Variants in MYB observed in about 807,000 individuals in gnomAD.
The protein encoded by MYB is MYB proto-oncogene, transcription factor.
A neutral mutation model predicts 92.9 loss-of-function variants in MYB; 28 were observed. That is an observed-to-expected ratio of 0.30 (90% CI 0.22 to 0.41). MYB has a LOEUF of 0.41. MYB is among the 10% of genes least tolerant of loss of function. The pLI is 1.00. For synonymous variants in MYB, 295 were observed against 329.1 expected, an observed-to-expected ratio of 0.90 and a Z score of 1.12; for missense variants, 679 against 929.3, an observed-to-expected ratio of 0.73 and a Z score of 3.50.
At chr6:135,211,633 GGCTA>G (rs1779714542) in intron 15 of MYB, among the ~76,000 whole-genome samples, 3 of 152,126 alleles carry the variant, frequency 2.0e-5, no homozygotes, top group African/African-American at 7.2e-5. Flanking sequence ...TGCCACCCTA[GGCTA>G]TATGATATAA....
At chr6:135,186,430 T>C (rs1434390053) in intron 2 of MYB, among the ~76,000 whole-genome samples, 1 of 152,254 alleles carries the variant, frequency 6.6e-6, no homozygotes, top group Non-Finnish European at 1.5e-5. Flanking sequence ...CTGGGACATA[T>C]ATACCTCCTC....
intron 9 of MYB, 73 bp from the exon 10 acceptor site, chr6:135,196,888 T>C (rs1777396876): frequency 1.3e-6 from 2 of 1,584,588 alleles, no homozygotes; most frequent in African/African-American, 2.7e-5. Flanking sequence ...GTTGAGCATC[T>C]CTCTCTCAGT....
intron 8 of MYB, 146 bp from the exon 9 acceptor site, chr6:135,195,602 C>A: frequency 1.2e-6 from 1 of 834,444 alleles, no homozygotes; most frequent in Non-Finnish European, 1.9e-6. Flanking sequence ...ATCTTGACAA[C>A]TGTTTCATAG....
chr6:135,218,684 T>C lies in MYB; in HGVS notation c.*704T>C, dbSNP rs1327795569. On this transcript the variant is annotated 3_prime_UTR_variant, in exon 16 of 16. Transcript: ENST00000341911. ...CATGCTGCTAGTATCAGAGGGGCAGTAGAGCTTGGACAGAAAGAAAAGAAA... is the reference window on the plus strand; with the variant it reads ...CATGCTGCTAGTATCAGAGGGGCAGCAGAGCTTGGACAGAAAGAAAAGAAA... 1 of 192,922 alleles carries C rather than the reference T, an allele frequency of 5.2e-6. No homozygotes were observed. The highest frequency in any genetic ancestry group is 2.3e-5 in the African/African-American group (1 of 43,090). 12.0% of individuals were successfully genotyped at this position (192,922 alleles called of 1,614,324 possible). A position where few individuals can be genotyped will look rare whatever the true frequency, so the allele number is the denominator to read the frequency against.
intron 15 of MYB, 78 bp from the exon 16 acceptor site, chr6:135,217,786 G>C (rs1217534647): frequency 1.1e-6 from 1 of 945,292 alleles, no homozygotes; most frequent in Admixed American, 1.9e-5. Context: ...GCCATCTGTT[G>C]GTCAGTGCTG....
Position 135,197,075 on chromosome 6 carries a change from G to A in MYB, c.1318G>A (p.Gly440Arg), listed in dbSNP as rs1777424277. Residue 440 changes from glycine to arginine, a missense_variant, in exon 10 of 16, where the codon GGG becomes AGG. Coordinates refer to ENST00000341911, the MANE Select transcript of MYB (RefSeq NM_001130173.2). The stretch of plus-strand genomic sequence containing the variant: ...ACAGCTTCAGCAAAGAGAGGGCAAT[G>A]GGACTAAACCTGCAGGAGAACCTAG... ...ALQLQQREGN[G>R]TKPAGEPSPR... is the part of the protein sequence containing the mutation. 1 of 1,614,030 alleles carries A rather than the reference G, an allele frequency of 6.2e-7. No individual in the cohort carries two copies. The highest frequency in any genetic ancestry group is 2.2e-5 in the East Asian group (1 of 44,884).
At position 135,197,339 on chromosome 6, in the gene MYB, T is replaced by C. The variant is rs758681539; in HGVS notation, c.1566+16T>C. 6.4e-6 allele frequency: 10 copies of C among 1,573,422 alleles called. No homozygotes were observed. The East Asian group carries it at 2.2e-4, about 35-fold the overall frequency. Reference sequence around the variant, plus strand: ...TCCCTCGCAGGTAGAACACAATTTCTGCACAGCTGTTACTCATTTTCAACA... The same window carrying C: ...TCCCTCGCAGGTAGAACACAATTTCCGCACAGCTGTTACTCATTTTCAACA... On this transcript the variant is annotated intron_variant, in intron 10 of 15. Coordinates refer to ENST00000341911, the MANE Select transcript of MYB (RefSeq NM_001130173.2).
chr6:135,185,855 C>CT, intron 1 of MYB, 48 bp from the exon 2 acceptor site: 1 of 1,456,794 alleles, frequency 6.9e-7, no homozygotes, highest in Non-Finnish European at 9.6e-7. Context: ...CAGTAGTAGT[C>CT]TAAATCCTCT....
At position 135,197,320 on chromosome 6, in the gene MYB, G is replaced by T. The variant is rs55983257; in HGVS notation, c.1563G>T (p.Ser521=). 9.4e-6 allele frequency: 15 copies of T among 1,602,354 alleles called. No homozygotes were observed. The East Asian group carries it at 3.1e-4, about 33-fold the overall frequency. Residue 521 remains serine, a synonymous_variant, in exon 10 of 16, where the codon TCG becomes TCT. Transcript: ENST00000341911. ...TCAAAAGCCTACCCTTCTCTCCCTC[G>T]CAGGTAGAACACAATTTCTGCACAG... ...SPVKSLPFSP[S]QFLNTSSNHE...
intron 15 of MYB, among the ~76,000 whole-genome samples, chr6:135,210,266 C>T (rs1779527660): frequency 6.6e-6 from 1 of 152,144 alleles, no homozygotes; most frequent in Admixed American, 6.5e-5. Flanking sequence ...ATTTAAAACC[C>T]AAGTGTAAAA....
chr6:135,203,855 G>C (rs1166797676), intron 15 of MYB: 1 of 1,230,092 alleles, frequency 8.1e-7, no homozygotes, highest in Non-Finnish European at 1.0e-6. Flanking sequence ...TTGACCATCT[G>C]CTGTCAGGTT....
intron 2 of MYB, among the ~76,000 whole-genome samples, chr6:135,186,778 G>A (rs180884801): frequency 1.3e-5 from 2 of 152,270 alleles, no homozygotes; most frequent in Admixed American, 1.3e-4. Context: ...TGTAGGAATG[G>A]AAAAATATTT....
chr6:135,209,328 G>C (rs1271990122), intron 15 of MYB, among the ~76,000 whole-genome samples: 4 of 152,120 alleles, frequency 2.6e-5, no homozygotes, highest in Non-Finnish European at 5.9e-5. Flanking sequence ...CCACCTCCTT[G>C]GTCCAAGCTA....
At chr6:135,213,144 G>A (rs370503782) in intron 15 of MYB, among the ~76,000 whole-genome samples, 103 of 152,276 alleles carry the variant, frequency 6.8e-4, no homozygotes, top group African/African-American at 2.3e-3. Context: ...AGTGGTTCTC[G>A]TACATGGTGG....
At position 135,181,678 on chromosome 6, in the gene MYB, C is replaced by A; in HGVS notation, c.23+142C>A. On this transcript the variant is annotated intron_variant, in intron 1 of 15. Transcript: ENST00000341911. The surrounding 1 kb of genome is among the most constrained non-coding windows in gnomAD (Gnocchi z 5.3). ...CTCCGAGGACCTGGAGCCCCTGCCT[C>A]GGCAGCAGAAGCCGCTCCAGAGACT... The A allele has an allele frequency of 2.3e-6, 1 of 441,458 alleles. No homozygotes were observed. The highest frequency in any genetic ancestry group is 3.2e-6 in the Non-Finnish European group (1 of 311,838). The allele number at this position is 441,458 out of a possible 1,614,324, so 27.3% of individuals were successfully genotyped here. A position where few individuals can be genotyped will look rare whatever the true frequency, so the allele number is the denominator to read the frequency against.
In MYB at chr6:135,182,118, T is replaced by G. The variant is rs1775144390; in HGVS notation, c.23+582T>G. ...AAGGGGTCTCTACTTTTGCAAATTG[T>G]CTTAAGACCTGGTTTTGGAGGTTCG... is the stretch of plus-strand genomic sequence containing the variant. On this transcript the variant is annotated intron_variant, in intron 1 of 15. Coordinates refer to ENST00000341911, the MANE Select transcript of MYB (RefSeq NM_001130173.2). The surrounding 1 kb of genome is among the most constrained non-coding windows in gnomAD (Gnocchi z 5.6). 6.6e-6 allele frequency among the ~76,000 whole-genome samples: 1 copy of G among 152,192 alleles called. No individual in the cohort carries two copies. The highest frequency in any genetic ancestry group is 1.5e-5 in the Non-Finnish European group (1 of 68,026).
chr6:135,206,205 CAAAAAAAAAAA>C (rs67836018), intron 15 of MYB, among the ~76,000 whole-genome samples: 2 of 87,366 alleles, frequency 2.3e-5, no homozygotes, highest in Admixed American at 3.0e-4. Flanking sequence ...GACTCCATCT[CAAAAAAAAAAA>C]AAAAAAAAAA....
In MYB at chr6:135,197,207, C is replaced by T. The variant is rs1352094518; in HGVS notation, c.1450C>T (p.Arg484Trp). The stretch of plus-strand genomic sequence containing the variant: ...TCCACTGGTCATCCTTCGAAAAAAA[C>T]GGGGCCAGGCCAGCCCCTTAGCCAC... ...TIPLVILRKK[R>W]GQASPLATGD... Residue 484 changes from arginine (R) to tryptophan (W), a missense_variant, in exon 10 of 16, where the codon CGG becomes TGG. This residue lies in a region of MYB where 402 missense variants were observed against 434.2 expected (regional missense o/e 0.93). Coordinates refer to ENST00000341911, the MANE Select transcript of MYB (RefSeq NM_001130173.2). 9 of 1,613,866 alleles carry T rather than the reference C, an allele frequency of 5.6e-6. No homozygotes were observed. The highest frequency in any genetic ancestry group is 2.2e-5 in the East Asian group (1 of 44,900).
At chr6:135,201,808 C>A in intron 14 of MYB, 59 bp downstream of exon 14, 1 of 1,025,522 alleles carries the variant, frequency 9.8e-7, no homozygotes, top group East Asian at 2.8e-5. Context: ...TCATGAAATC[C>A]TGTGTGTGGC....
Sources: allele counts gnomAD v4.1 joint callset (sites outside exome capture counted in the v4.1 genomes callset), GRCh38; gene constraint gnomAD v4.1.1; regional missense constraint gnomAD v4.1.1; non-coding constraint Gnocchi (gnomAD v3.1); transcripts MANE v1.5; gene names NCBI Gene and HGNC (gene_info 2026-07-23, HGNC 2026-07-21).